Variants in CADPS observed in about 807,000 individuals in gnomAD.
CADPS encodes the protein calcium-dependent secretion activator 1.
Under a neutral mutation model 167.3 loss-of-function variants are expected in CADPS, and 57 were observed. That is an observed-to-expected ratio of 0.34 (90% CI 0.28 to 0.42). The LOEUF (loss-of-function observed/expected upper bound fraction) is 0.42. CADPS is among the 20% of genes least tolerant of loss of function. The pLI is 1.00. For synonymous variants in CADPS, 676 were observed against 635.3 expected, an observed-to-expected ratio of 1.06 and a Z score of -0.96; for missense variants, 1,414 against 1,738.1, an observed-to-expected ratio of 0.81 and a Z score of 3.32.
intron 7 of CADPS, among the ~76,000 whole-genome samples, chr3:62,587,291 A>G (rs1156784100): frequency 3.9e-5 from 6 of 152,234 alleles, no homozygotes; most frequent in Admixed American, 6.5e-5. Context: ...ACTGCAACAT[A>G]TCATAGGACA....
intron 16 of CADPS, 133 bp from the exon 17 acceptor site, chr3:62,512,901 C>A: frequency 1.5e-6 from 1 of 646,580 alleles, no homozygotes. Context: ...AAAGGTTGCC[C>A]TTGGGTTCCC....
intron 3 of CADPS, among the ~76,000 whole-genome samples, chr3:62,696,340 C>A (rs35441429): frequency 0.079 from 12,094 of 152,200 alleles, 640 homozygotes; most frequent in Non-Finnish European, 0.12. Context: ...CCACTGGCAG[C>A]CACAGTGCCT....
chr3:62,432,131 T>A (rs879468938), intron 28 of CADPS, among the ~76,000 whole-genome samples: 1 of 152,140 alleles, frequency 6.6e-6, no homozygotes, highest in Admixed American at 6.6e-5. Context: ...GGGGTAGAGC[T>A]AGGCTATTTC....
At chr3:62,590,000 C>T (rs898112046) in intron 7 of CADPS, among the ~76,000 whole-genome samples, 3 of 151,992 alleles carry the variant, frequency 2.0e-5, no homozygotes, top group Non-Finnish European at 2.9e-5. Context: ...ACCAGCCTGA[C>T]CAACATGGTA....
intron 1 of CADPS, among the ~76,000 whole-genome samples, chr3:62,812,178 A>G (rs2094422361): frequency 6.6e-6 from 1 of 152,310 alleles, no homozygotes; most frequent in Admixed American, 6.5e-5. Flanking sequence ...AAATATTAAC[A>G]TATGATATTT....
chr3:62,635,018 T>C (rs887469342), intron 6 of CADPS, among the ~76,000 whole-genome samples: 1 of 152,202 alleles, frequency 6.6e-6, no homozygotes, highest in Non-Finnish European at 1.5e-5. Context: ...ATTGGACGCT[T>C]GGTTCTGATT....
At chr3:62,557,028 C>G (rs914629017) in intron 10 of CADPS, among the ~76,000 whole-genome samples, 4 of 151,340 alleles carry the variant, frequency 2.6e-5, no homozygotes, top group Non-Finnish European at 5.9e-5. Context: ...CACACACACA[C>G]ACACACACAC....
Position 62,875,162 on chromosome 3 carries a change from G to T in CADPS, c.-133C>A. 8.4e-7 allele frequency: 1 copy of T among 1,187,106 alleles called. No individual in the cohort carries two copies. The highest frequency in any genetic ancestry group is 1.1e-6 in the Non-Finnish European group (1 of 933,260). The allele number at this position is 1,187,106 out of a possible 1,614,324, so 73.5% of individuals were successfully genotyped here. On this transcript the variant is annotated 5_prime_UTR_variant, in exon 1 of 30. Transcript: ENST00000383710. ...CAGGTCAGGGAGCGAGAGCGCTGCTGCTCAGCCTCGGCCGCCGCGACTGAT... is the reference window on the plus strand; with the variant it reads ...CAGGTCAGGGAGCGAGAGCGCTGCTTCTCAGCCTCGGCCGCCGCGACTGAT...
intron 6 of CADPS, among the ~76,000 whole-genome samples, chr3:62,644,673 G>C (rs1436940835): frequency 6.6e-6 from 1 of 152,086 alleles, no homozygotes; most frequent in African/African-American, 2.4e-5. Flanking sequence ...CTTGCCCAGG[G>C]CCTTTGCTAA....
chr3:62,682,363 A>C (rs1188872568), intron 3 of CADPS, among the ~76,000 whole-genome samples: 1 of 152,090 alleles, frequency 6.6e-6, no homozygotes, highest in Non-Finnish European at 1.5e-5. Flanking sequence ...CTGGAGCTTA[A>C]TTGGGAGTTC....
intron 3 of CADPS, among the ~76,000 whole-genome samples, chr3:62,685,952 A>C (rs1264895606): frequency 1.3e-5 from 2 of 152,058 alleles, no homozygotes; most frequent in Non-Finnish European, 2.9e-5. Flanking sequence ...AATTAACAAT[A>C]TATTATATAG....
chr3:62,563,419 T>G (rs963005144), intron 9 of CADPS, among the ~76,000 whole-genome samples: 1 of 152,246 alleles, frequency 6.6e-6, no homozygotes, highest in African/African-American at 2.4e-5. Context: ...GTGATTTTTC[T>G]GAAAGCTGGA....
At position 62,466,372 on chromosome 3, in the gene CADPS, A is replaced by G. The variant is rs770558858; in HGVS notation, c.3519T>C (p.Thr1173=). Residue 1173 remains threonine, a synonymous_variant, in exon 25 of 30, where the codon ACT becomes ACC. Coordinates refer to ENST00000383710, the MANE Select transcript of CADPS (RefSeq NM_003716.4). ...HSKIDELIEE[T]VKEMITLLVA... is the part of the protein sequence containing the mutation. ...CCAAGAGTGTTATCATTTCTTTAACAGTTTCTTCAATTAGTTCGTCTATTT... is the reference window on the plus strand; with the variant it reads ...CCAAGAGTGTTATCATTTCTTTAACGGTTTCTTCAATTAGTTCGTCTATTT... The G allele has an allele frequency of 1.2e-6, 2 of 1,612,164 alleles. No individual in the cohort carries two copies. The highest frequency in any genetic ancestry group is 1.7e-6 in the Non-Finnish European group (2 of 1,178,340).
At chr3:62,725,786 C>A (rs1277144814) in intron 3 of CADPS, among the ~76,000 whole-genome samples, 1 of 151,646 alleles carries the variant, frequency 6.6e-6, no homozygotes, top group East Asian at 1.9e-4. Context: ...GAGGAGTCAC[C>A]CTAACTCATG....
chr3:62,765,818 C>A, intron 2 of CADPS, 53 bp downstream of exon 2: 1 of 1,223,062 alleles, frequency 8.2e-7, no homozygotes, highest in Non-Finnish European at 1.2e-6. Context: ...GCTCAGACTC[C>A]CCAGGCATAG....
At chr3:62,586,571 C>G (rs968517150) in intron 7 of CADPS, among the ~76,000 whole-genome samples, 2 of 152,186 alleles carry the variant, frequency 1.3e-5, no homozygotes, top group African/African-American at 4.8e-5. Flanking sequence ...CCTTCTCTTT[C>G]TGGGCCTGAC....
In CADPS at chr3:62,875,178, C is replaced by A; in HGVS notation, c.-149G>T. On this transcript the variant is annotated 5_prime_UTR_variant, in exon 1 of 30. Coordinates refer to ENST00000383710, the MANE Select transcript of CADPS (RefSeq NM_003716.4). ...AGCGCTGCTGCTCAGCCTCGGCCGC[C>A]GCGACTGATCCTCTGCCCGGCGGTC... The A allele has an allele frequency of 1.9e-6, 2 of 1,065,848 alleles. No homozygotes were observed. Among genetic ancestry groups the A allele is most frequent in the Non-Finnish European group, 1.2e-6 (1 of 830,216 alleles). 66.0% of individuals were successfully genotyped at this position (1,065,848 alleles called of 1,614,324 possible).
intron 3 of CADPS, among the ~76,000 whole-genome samples, chr3:62,737,427 C>T (rs1400169786): frequency 1.3e-5 from 2 of 151,838 alleles, no homozygotes; most frequent in Non-Finnish European, 2.9e-5. Flanking sequence ...GAGATTGCAC[C>T]ACTGTAATCT....
At chr3:62,409,839 T>C (rs776204272) in intron 28 of CADPS, among the ~76,000 whole-genome samples, 13 of 152,174 alleles carry the variant, frequency 8.5e-5, no homozygotes, top group Admixed American at 7.2e-4. Flanking sequence ...AGCCTTTTCA[T>C]GTCAGGGGAA....
Sources: gnomAD v4.1 joint callset for allele counts (sites outside exome capture counted in the v4.1 genomes callset) on GRCh38, gnomAD v4.1.1 for gene constraint, MANE v1.5 for transcripts, NCBI Gene and HGNC (gene_info 2026-07-23, HGNC 2026-07-21) for gene names.